The following CLASP2 variants were observed in gnomAD, a reference collection of about 807,000 sequenced individuals.
The protein encoded by CLASP2 is CLIP-associating protein 2.
In CLASP2, 47 loss-of-function variants were observed where a neutral mutation model predicts 194.4. The observed-to-expected ratio is 0.24, with a 90% CI of 0.19 to 0.31. CLASP2 has a LOEUF of 0.31. Ranked by LOEUF, CLASP2 falls within the 10% of genes least tolerant of loss-of-function variation. The pLI, the probability that CLASP2 is intolerant of heterozygous loss-of-function variation, is 1.00. For missense variants in CLASP2, 1,445 were observed against 1,823.6 expected, an observed-to-expected ratio of 0.79 and a Z score of 3.78; for synonymous variants, 619 against 633.5, an observed-to-expected ratio of 0.98 and a Z score of 0.34.
At chr3:33,591,394 C>T (rs975026320) in intron 21 of CLASP2, among the ~76,000 whole-genome samples, 21 of 152,126 alleles carry the variant, frequency 1.4e-4, no homozygotes, top group Admixed American at 2.0e-4. Flanking sequence ...GGGAGGATTG[C>T]GTGAGGCCAG....
intron 7 of CLASP2, among the ~76,000 whole-genome samples, chr3:33,655,280 C>T (rs543252927): frequency 2.0e-4 from 30 of 152,200 alleles, no homozygotes; most frequent in African/African-American, 7.0e-4. Flanking sequence ...TATTGGTGCC[C>T]AACCCCCTGC....
rs763927614 is a variant in CLASP2, at chr3:33,606,733, A to G, written c.1552T>C (p.Phe518Leu). The change falls in exon 16 of 39, where the codon TTT (phenylalanine) becomes CTT (leucine). Residue 518 changes from phenylalanine (F) to leucine (L), a missense_variant. By Grantham distance (22) the Phe-to-Leu change is conservative. Around this residue, in one of 4 missense-constraint regions of CLASP2, gnomAD observed 207 missense variants for 331.4 expected, o/e 0.62. Transcript: ENST00000682230. ...RKTYMGLRNH[F>L]PGEAETLYNS... The stretch of plus-strand genomic sequence containing the variant: ...TATAATGTTTCAGCTTCACCAGGAA[A>G]GTGGTTTCTAAGACCCATGTATGTC... 2 of 1,612,642 alleles carry G rather than the reference A, an allele frequency of 1.2e-6. No individual in the cohort carries two copies. The highest frequency in any genetic ancestry group is 1.7e-6 in the Non-Finnish European group (2 of 1,179,254).
intron 12 of CLASP2, among the ~76,000 whole-genome samples, chr3:33,613,662 T>A (rs1454457446): frequency 6.6e-6 from 1 of 152,250 alleles, no homozygotes; most frequent in South Asian, 2.1e-4. Context: ...ACATGCCTGT[T>A]AGTCAACTGT....
chr3:33,601,576 A>G (rs912698132), intron 18 of CLASP2, among the ~76,000 whole-genome samples: 1 of 152,144 alleles, frequency 6.6e-6, no homozygotes, highest in Non-Finnish European at 1.5e-5. Context: ...TAAATTCAAG[A>G]GATTTTTTTC....
intron 37 of CLASP2, 50 bp downstream of exon 37, chr3:33,510,508 T>C (rs769982360): frequency 6.5e-7 from 1 of 1,547,044 alleles, no homozygotes; most frequent in Non-Finnish European, 8.9e-7. Context: ...CTAAAATAAC[T>C]GTATCCCAAA....
intron 37 of CLASP2, 118 bp from the exon 38 acceptor site, chr3:33,501,886 A>G (rs556936445): frequency 1.5e-6 from 1 of 675,890 alleles, no homozygotes; most frequent in South Asian, 1.8e-5. Context: ...AGGAGAGAAA[A>G]GTGCAGATCA....
intron 23 of CLASP2, among the ~76,000 whole-genome samples, chr3:33,580,676 C>T (rs563629852): frequency 6.1e-4 from 93 of 151,910 alleles, no homozygotes; most frequent in Non-Finnish European, 2.9e-4. Context: ...TTCCAAAGTC[C>T]AAAGAGCAAC....
chr3:33,561,822 C>T (rs1051779287), intron 27 of CLASP2, among the ~76,000 whole-genome samples: 1 of 151,874 alleles, frequency 6.6e-6, no homozygotes, highest in Non-Finnish European at 1.5e-5. Context: ...AAATTAGTTT[C>T]TAGATAAAGA....
chr3:33,640,901 C>T (rs373943105), intron 8 of CLASP2, among the ~76,000 whole-genome samples: 5 of 152,126 alleles, frequency 3.3e-5, no homozygotes, highest in African/African-American at 9.6e-5. Flanking sequence ...TTTAAAACGA[C>T]TGATTTATGG....
At chr3:33,704,910 C>T (rs553144589) in intron 1 of CLASP2, among the ~76,000 whole-genome samples, 1 of 152,106 alleles carries the variant, frequency 6.6e-6, no homozygotes, top group South Asian at 2.1e-4. Context: ...TTGGTAAGGA[C>T]GTAGAGTGAT....
chr3:33,576,478 G>GA (rs112843121), intron 23 of CLASP2: 13 of 511,524 alleles, frequency 2.5e-5, no homozygotes, highest in Admixed American at 1.4e-4. Context: ...GACAATGTGT[G>GA]AAAAATAAAG....
chr3:33,711,162 A>G (rs1266130580), intron 1 of CLASP2, among the ~76,000 whole-genome samples: 1 of 152,160 alleles, frequency 6.6e-6, no homozygotes, highest in Non-Finnish European at 1.5e-5. Context: ...AAGCCAGTTA[A>G]AGAGGTTTTG....
chr3:33,502,944 C>A (rs2047166713), intron 37 of CLASP2: 1 of 152,016 alleles, frequency 6.6e-6, no homozygotes, highest in African/African-American at 2.4e-5. Flanking sequence ...AGTATGCTTC[C>A]TAATTTAACC....
chr3:33,614,469 G>A (rs2075753295), intron 12 of CLASP2, among the ~76,000 whole-genome samples: 1 of 152,144 alleles, frequency 6.6e-6, no homozygotes, highest in Non-Finnish European at 1.5e-5. Flanking sequence ...ACCAATTTCT[G>A]TCAAAAATCC....
chr3:33,552,761 A>G lies in CLASP2; in HGVS notation c.3010-1366T>C, dbSNP rs1412486702. Among the ~76,000 whole-genome samples, 3 of 152,164 alleles carry G rather than the reference A, an allele frequency of 2.0e-5. No homozygotes were observed. The East Asian group carries it at 5.8e-4, about 29-fold the overall frequency. On this transcript the variant is annotated intron_variant, in intron 29 of 38. Transcript: ENST00000682230. ...TAGCAAAAATCCCAAATATAACACAATATTATGAACTATGGTCTTCATGTT... is the reference window on the plus strand; with the variant it reads ...TAGCAAAAATCCCAAATATAACACAGTATTATGAACTATGGTCTTCATGTT...
At chr3:33,514,876 A>G (rs2050859695) in intron 36 of CLASP2, among the ~76,000 whole-genome samples, 1 of 151,820 alleles carries the variant, frequency 6.6e-6, no homozygotes, top group Non-Finnish European at 1.5e-5. Context: ...CACACCATGG[A>G]ATACTACTCA....
At chr3:33,532,336 C>T (rs992548787) in intron 34 of CLASP2, among the ~76,000 whole-genome samples, 2 of 152,070 alleles carry the variant, frequency 1.3e-5, no homozygotes, top group African/African-American at 4.8e-5. Context: ...ATCAGAGAGA[C>T]AAGAGAATGG....
chr3:33,529,574 T>A lies in CLASP2; in HGVS notation c.3787+5659A>T, dbSNP rs189456505. ...AGGAGCCATCTTCTATCAAAGTTTT[T>A]AAAAATTTTTAAACTTTTTTGTTAA... On this transcript the variant is annotated intron_variant, in intron 34 of 38. Coordinates refer to ENST00000682230, the MANE Select transcript of CLASP2 (RefSeq NM_001365631.1). 1.3e-3 allele frequency among the ~76,000 whole-genome samples: 201 copies of A among 152,328 alleles called. 2 individuals are homozygous for A. The highest frequency in any genetic ancestry group is 4.6e-3 in the African/African-American group (191 of 41,584).
chr3:33,604,726 C>T (rs756579733), intron 16 of CLASP2, among the ~76,000 whole-genome samples: 7 of 152,140 alleles, frequency 4.6e-5, no homozygotes, highest in Non-Finnish European at 8.8e-5. Flanking sequence ...AAATAAAATA[C>T]TGGCAGTGAA....
Sources: allele counts gnomAD v4.1 joint callset (sites outside exome capture counted in the v4.1 genomes callset), GRCh38; gene constraint gnomAD v4.1.1; regional missense constraint gnomAD v4.1.1; transcripts MANE v1.5; gene names NCBI Gene and HGNC (gene_info 2026-07-23, HGNC 2026-07-21).